MPPED2: variants seen among roughly 807,000 people sequenced by gnomAD.
MPPED2 encodes metallophosphoesterase MPPED2.
MPPED2 carries 5 observed loss-of-function variants against 33.0 expected under a neutral mutation model. The observed-to-expected ratio is 0.15, with a 90% CI of 0.08 to 0.32. MPPED2 has a LOEUF of 0.32. Ranked by LOEUF, MPPED2 falls within the 10% of genes least tolerant of loss-of-function variation. The probability of loss-of-function intolerance (pLI) is 1.00; values close to 1 mark genes in which losing one functional copy is unlikely to be tolerated. For missense variants in MPPED2, 275 were observed against 372.1 expected (o/e 0.74, Z 2.15); for synonymous variants, 136 against 141.9 (o/e 0.96, Z 0.29).
At chr11:30,559,564 A>G (rs538681347) in intron 2 of MPPED2, among the ~76,000 whole-genome samples, 3 of 152,290 alleles carry the variant, frequency 2.0e-5, no homozygotes, top group African/African-American at 7.2e-5. Flanking sequence ...CTCCTTCCGA[A>G]TGAAATGTTT....
At chr11:30,439,143 A>C (rs1410461804) in intron 4 of MPPED2, among the ~76,000 whole-genome samples, 1 of 152,234 alleles carries the variant, frequency 6.6e-6, no homozygotes, top group Non-Finnish European at 1.5e-5. Context: ...CTGGGTTCTG[A>C]TAAATTCAAG....
At chr11:30,570,628 C>A (rs1300976553) in intron 2 of MPPED2, among the ~76,000 whole-genome samples, 2 of 152,140 alleles carry the variant, frequency 1.3e-5, no homozygotes, top group Non-Finnish European at 2.9e-5. Context: ...CTTAAACGAG[C>A]TAGTAAAATG....
chr11:30,536,524 T>C (rs1198038802), intron 2 of MPPED2, among the ~76,000 whole-genome samples: 1 of 152,194 alleles, frequency 6.6e-6, no homozygotes, highest in East Asian at 1.9e-4. Flanking sequence ...GCTATTTCTC[T>C]CTCATCATGC....
intron 6 of MPPED2, among the ~76,000 whole-genome samples, chr11:30,400,291 G>C (rs1391737352): frequency 4.0e-5 from 6 of 151,760 alleles, no homozygotes; most frequent in Admixed American, 3.3e-4. Flanking sequence ...GCCCAGGCTG[G>C]TCTTGAACTC....
Position 30,414,264 on chromosome 11 carries a change from G to A in MPPED2, c.730C>T (p.Arg244Trp), listed in dbSNP as rs1415243819. 3 of 1,613,740 alleles carry A rather than the reference G, an allele frequency of 1.9e-6. No homozygotes were observed. Among genetic ancestry groups the A allele is most frequent in the African/African-American group, 1.3e-5 (1 of 74,872 alleles). ...ELLNTVQRRV[R>W]PKLHVFGGIH... ...CCACCAAACACATGGAGCTTGGGCCGGACTCGCCTCTGAACCGTGTTTAAC... is the reference window on the plus strand; with the variant it reads ...CCACCAAACACATGGAGCTTGGGCCAGACTCGCCTCTGAACCGTGTTTAAC... The change falls in exon 6 of 7, where the codon CGG becomes TGG. Residue 244 changes from arginine (R) to tryptophan (W), a missense_variant. Coordinates refer to ENST00000358117, the MANE Select transcript of MPPED2 (RefSeq NM_001584.3).
At chr11:30,497,521 T>G (rs1178888034) in intron 3 of MPPED2, among the ~76,000 whole-genome samples, 11 of 152,226 alleles carry the variant, frequency 7.2e-5, no homozygotes, top group Admixed American at 7.2e-4. Flanking sequence ...CCAGTTCCCC[T>G]TTAATCATTC....
chr11:30,564,039 C>T (rs1363873151), intron 2 of MPPED2, among the ~76,000 whole-genome samples: 1 of 152,192 alleles, frequency 6.6e-6, no homozygotes, highest in East Asian at 1.9e-4. Flanking sequence ...AATTGACAAA[C>T]TCTTTCTTCT....
intron 4 of MPPED2, among the ~76,000 whole-genome samples, chr11:30,475,060 C>G (rs1381723749): frequency 6.6e-6 from 1 of 152,074 alleles, no homozygotes; most frequent in Non-Finnish European, 1.5e-5. Flanking sequence ...TCTTTGATAT[C>G]TAAGATGGAT....
intron 5 of MPPED2, 66 bp from the exon 6 acceptor site, chr11:30,414,407 C>T: frequency 9.7e-7 from 1 of 1,027,026 alleles, no homozygotes; most frequent in South Asian, 1.3e-5. Context: ...TTTAGACTTT[C>T]AGGAAGCCAT....
intron 4 of MPPED2, among the ~76,000 whole-genome samples, chr11:30,491,622 C>T (rs1446815279): frequency 1.3e-5 from 2 of 152,142 alleles, no homozygotes; most frequent in African/African-American, 4.8e-5. Context: ...AATGTTTTCT[C>T]CCATTTTAGA....
chr11:30,550,570 A>T (rs1955658987), intron 2 of MPPED2, among the ~76,000 whole-genome samples: 1 of 152,186 alleles, frequency 6.6e-6, no homozygotes, highest in Admixed American at 6.5e-5. Context: ...CCTGAAGGGT[A>T]TGGACAAGTT....
intron 2 of MPPED2, among the ~76,000 whole-genome samples, chr11:30,574,302 T>C (rs914346102): frequency 6.6e-6 from 1 of 152,206 alleles, no homozygotes; most frequent in Non-Finnish European, 1.5e-5. Flanking sequence ...ATAGTTATTA[T>C]TGTGTTACAA....
chr11:30,398,794 A>G (rs893624721), intron 6 of MPPED2, among the ~76,000 whole-genome samples: 5 of 152,336 alleles, frequency 3.3e-5, no homozygotes, highest in Admixed American at 6.5e-5. Context: ...AGTAAGGAGC[A>G]TGAAATGGTA....
intron 3 of MPPED2, among the ~76,000 whole-genome samples, chr11:30,512,232 G>T (rs1224793388): frequency 6.6e-6 from 1 of 152,092 alleles, no homozygotes; most frequent in African/African-American, 2.4e-5. Flanking sequence ...CCCTTCCAGG[G>T]TCATTCTACT....
intron 2 of MPPED2, among the ~76,000 whole-genome samples, chr11:30,579,710 T>C (rs1957081804): frequency 6.6e-6 from 1 of 152,058 alleles, no homozygotes; most frequent in African/African-American, 2.4e-5. Flanking sequence ...TCCTGTAGCA[T>C]GCAGCACACG....
chr11:30,399,492 G>A (rs1291982478), intron 6 of MPPED2, among the ~76,000 whole-genome samples: 1 of 152,098 alleles, frequency 6.6e-6, no homozygotes, highest in Non-Finnish European at 1.5e-5. Context: ...CTGGAATGTT[G>A]GCAGGCATCA....
At position 30,565,208 on chromosome 11, in the gene MPPED2, G is replaced by A. The variant is rs148625328; in HGVS notation, c.128+15038C>T. On this transcript the variant is annotated intron_variant, in intron 2 of 6. Transcript: ENST00000358117. Reference sequence around the variant, plus strand: ...ATAATTTACACTTGTTTTTATGGACGCGAGGAACTGATCTTTGAAGCTGTC... The same window carrying A: ...ATAATTTACACTTGTTTTTATGGACACGAGGAACTGATCTTTGAAGCTGTC... 3.9e-3 allele frequency among the ~76,000 whole-genome samples: 597 copies of A among 152,216 alleles called. 2 individuals carry two copies. The highest frequency in any genetic ancestry group is 0.012 in the African/African-American group (485 of 41,536).
At chr11:30,511,685 T>C (rs1953203975) in intron 3 of MPPED2, among the ~76,000 whole-genome samples, 1 of 152,242 alleles carries the variant, frequency 6.6e-6, no homozygotes, top group Non-Finnish European at 1.5e-5. Flanking sequence ...ACATAGTTCC[T>C]TGTAAATCTC....
intron 4 of MPPED2, among the ~76,000 whole-genome samples, chr11:30,454,522 G>A (rs1950197732): frequency 6.6e-6 from 1 of 151,888 alleles, no homozygotes; most frequent in African/African-American, 2.4e-5. Context: ...TTCTGCTGAG[G>A]ATAATAAAGA....
Sources: allele counts gnomAD v4.1 joint callset (sites outside exome capture counted in the v4.1 genomes callset), GRCh38; gene constraint gnomAD v4.1.1; transcripts MANE v1.5; gene names NCBI Gene and HGNC (gene_info 2026-07-23, HGNC 2026-07-21).